Variants in RUNX2 observed in about 807,000 individuals in gnomAD.
RUNX2 encodes the protein RUNX family transcription factor 2.
RUNX2 carries 10 observed loss-of-function variants against 51.7 expected under a neutral mutation model. That is an observed-to-expected ratio of 0.19 (90% CI 0.12 to 0.33). The LOEUF is 0.33. RUNX2 is among the 10% of genes least tolerant of loss of function. RUNX2 has a pLI of 1.00. For synonymous variants in RUNX2, 276 were observed against 273.6 expected (o/e 1.01, Z -0.09); for missense variants, 562 against 691.3 (o/e 0.81, Z 2.10).
chr6:45,451,709 A>G (rs1327856971), intron 5 of RUNX2, among the ~76,000 whole-genome samples: 1 of 152,222 alleles, frequency 6.6e-6, no homozygotes, highest in African/African-American at 2.4e-5. Context: ...GGTTAGATTT[A>G]AAGAAGAACT....
intron 8 of RUNX2, among the ~76,000 whole-genome samples, chr6:45,545,656 A>T (rs1354506156): frequency 6.6e-6 from 1 of 152,246 alleles, no homozygotes; most frequent in Admixed American, 6.5e-5. Flanking sequence ...AAACAAATAT[A>T]TGAGATCTGA....
chr6:45,495,907 G>A (rs950199362), intron 6 of RUNX2, among the ~76,000 whole-genome samples: 1 of 152,190 alleles, frequency 6.6e-6, no homozygotes, highest in African/African-American at 2.4e-5. Context: ...GTCTGATTCT[G>A]TATTCCCTCC....
chr6:45,419,040 C>T (rs1453623902), intron 2 of RUNX2, among the ~76,000 whole-genome samples: 1 of 152,032 alleles, frequency 6.6e-6, no homozygotes, highest in Non-Finnish European at 1.5e-5. Context: ...TTGCTATCCA[C>T]CAAATAAAAC....
chr6:45,357,407 T>C (rs1237439753), intron 2 of RUNX2, among the ~76,000 whole-genome samples: 1 of 152,118 alleles, frequency 6.6e-6, no homozygotes, highest in African/African-American at 2.4e-5. Flanking sequence ...CATGGTTCAC[T>C]GCAGCCGTAA....
chr6:45,428,000 T>G (rs893614208), intron 3 of RUNX2, among the ~76,000 whole-genome samples: 4 of 152,202 alleles, frequency 2.6e-5, no homozygotes, highest in African/African-American at 9.6e-5. Flanking sequence ...AGAAAATTAC[T>G]TCTCCTTTTC....
At chr6:45,336,826 A>G (rs1027423125) in intron 2 of RUNX2, among the ~76,000 whole-genome samples, 6 of 151,582 alleles carry the variant, frequency 4.0e-5, no homozygotes, top group Non-Finnish European at 8.9e-5. Context: ...CCTCTGTTTT[A>G]AACTTTCTTC....
chr6:45,387,315 T>C (rs1797371355), intron 2 of RUNX2, among the ~76,000 whole-genome samples: 1 of 152,218 alleles, frequency 6.6e-6, no homozygotes, highest in Non-Finnish European at 1.5e-5. Flanking sequence ...ATAGTCAAGA[T>C]AGAAGCTAGA....
At position 45,496,658 on chromosome 6, in the gene RUNX2, A is replaced by G. The variant is rs779836569; in HGVS notation, c.859+4544A>G. ...ATTATGGGGAGTCTTGGGGGCCACA[A>G]TAGTGGCTTGGGTTTAGTTCTGATT... On this transcript the variant is annotated intron_variant, in intron 6 of 8. Transcript: ENST00000647337. 2.8e-4 allele frequency among the ~76,000 whole-genome samples: 43 copies of G among 152,188 alleles called. 1 individual carries two copies. Among genetic ancestry groups the G allele is most frequent in the Non-Finnish European group, 4.7e-4 (32 of 68,036 alleles).
intron 2 of RUNX2, among the ~76,000 whole-genome samples, chr6:45,412,800 A>G (rs747933272): frequency 1.3e-5 from 2 of 151,962 alleles, no homozygotes; most frequent in Non-Finnish European, 2.9e-5. Context: ...GCTGTAGTGC[A>G]GTGGCACAAT....
intron 7 of RUNX2, among the ~76,000 whole-genome samples, chr6:45,528,952 A>G (rs898458590): frequency 1.3e-5 from 2 of 152,220 alleles, no homozygotes; most frequent in African/African-American, 4.8e-5. Flanking sequence ...TTCTAAGCAG[A>G]ATCTCATAAC....
chr6:45,374,024 AAAGT>A (rs1255301327), intron 2 of RUNX2, among the ~76,000 whole-genome samples: 5 of 152,242 alleles, frequency 3.3e-5, no homozygotes, highest in Non-Finnish European at 7.3e-5. Flanking sequence ...AAATGTTTGT[AAAGT>A]AAGACGATAA....
intron 2 of RUNX2, among the ~76,000 whole-genome samples, chr6:45,363,195 C>G (rs1794565889): frequency 6.6e-6 from 1 of 151,990 alleles, no homozygotes; most frequent in African/African-American, 2.4e-5. Context: ...CAATAGACAA[C>G]AGATAGATGA....
intron 6 of RUNX2, among the ~76,000 whole-genome samples, chr6:45,493,217 T>A (rs1269354175): frequency 6.6e-6 from 1 of 152,138 alleles, no homozygotes; most frequent in African/African-American, 2.4e-5. Flanking sequence ...GAGTGTATAT[T>A]TTAAAAAATA....
At chr6:45,400,301 G>A (rs1380900368) in intron 2 of RUNX2, among the ~76,000 whole-genome samples, 4 of 152,130 alleles carry the variant, frequency 2.6e-5, no homozygotes, top group Non-Finnish European at 5.9e-5. Context: ...GAAAAGAGAG[G>A]AGAACCATTG....
At chr6:45,398,221 A>G (rs1038448911) in intron 2 of RUNX2, among the ~76,000 whole-genome samples, 1 of 152,150 alleles carries the variant, frequency 6.6e-6, no homozygotes, top group African/African-American at 2.4e-5. Context: ...CTCACCTATT[A>G]ACTGTACTTG....
chr6:45,479,666 G>A (rs548854230), intron 5 of RUNX2, among the ~76,000 whole-genome samples: 130 of 152,254 alleles, frequency 8.5e-4, no homozygotes, highest in Non-Finnish European at 1.6e-3. Flanking sequence ...TGTCATTATT[G>A]ATTAAATAAT....
chr6:45,379,662 C>T (rs1213616852), intron 2 of RUNX2, among the ~76,000 whole-genome samples: 1 of 151,934 alleles, frequency 6.6e-6, no homozygotes, highest in Admixed American at 6.6e-5. Context: ...GTCAGGAGAT[C>T]GAAACCATCC....
At chr6:45,380,226 C>G (rs1797206363) in intron 2 of RUNX2, among the ~76,000 whole-genome samples, 2 of 152,186 alleles carry the variant, frequency 1.3e-5, no homozygotes, top group South Asian at 4.1e-4. Flanking sequence ...GAAGCTGTTG[C>G]TGAAGTTAAG....
chr6:45,422,518 C>T (rs1464783504), intron 2 of RUNX2, 75 bp from the exon 3 acceptor site: 2 of 1,239,152 alleles, frequency 1.6e-6, no homozygotes, highest in East Asian at 5.3e-5. Context: ...TCCTCCTTGC[C>T]CCTCATTTCC....
Sources: allele counts gnomAD v4.1 joint callset (sites outside exome capture counted in the v4.1 genomes callset), GRCh38; gene constraint gnomAD v4.1.1; transcripts MANE v1.5; gene names NCBI Gene and HGNC (gene_info 2026-07-23, HGNC 2026-07-21).